Variants in STXBP5 observed in about 807,000 individuals in gnomAD.
STXBP5 encodes syntaxin binding protein 5.
STXBP5 carries 50 observed loss-of-function variants against 152.4 expected under a neutral mutation model. The observed-to-expected ratio is 0.33, with a 90% CI of 0.26 to 0.42. STXBP5 has a LOEUF of 0.42. STXBP5 is among the 10% of genes least tolerant of loss of function. STXBP5 has a pLI of 1.00. For missense variants in STXBP5, 1,167 were observed against 1,388.6 expected, an observed-to-expected ratio of 0.84 and a Z score of 2.54; for synonymous variants, 492 against 494.7, an observed-to-expected ratio of 0.99 and a Z score of 0.07.
At chr6:147,370,568 A>G (rs1055966630) in intron 25 of STXBP5, among the ~76,000 whole-genome samples, 8 of 151,998 alleles carry the variant, frequency 5.3e-5, no homozygotes, top group Non-Finnish European at 8.8e-5. Flanking sequence ...AATTTATAAT[A>G]AACTGTTTTT....
In STXBP5 at chr6:147,373,852, T is replaced by C. The variant is rs2128419429; in HGVS notation, c.3193+10T>C. ...GACAGAGAAGAACTATGTAAGTTGA[T>C]TTATTTAATTCGGATAATATATCTA... On this transcript the variant is annotated intron_variant, in intron 26 of 27. Transcript: ENST00000321680. 1.3e-6 allele frequency: 2 copies of C among 1,594,296 alleles called. No homozygotes were observed. Among genetic ancestry groups the C allele is most frequent in the South Asian group, 1.1e-5 (1 of 90,168 alleles).
intron 21 of STXBP5, among the ~76,000 whole-genome samples, chr6:147,347,950 A>T (rs1029471060): frequency 6.6e-6 from 1 of 152,186 alleles, no homozygotes; most frequent in African/African-American, 2.4e-5. Flanking sequence ...GGTTAGCAGG[A>T]TGTTGGGTGA....
chr6:147,267,257 C>A, intron 7 of STXBP5, 90 bp downstream of exon 7: 1 of 1,054,046 alleles, frequency 9.5e-7, no homozygotes, highest in African/African-American at 1.6e-5. Context: ...TTACTTTAGG[C>A]AAACTTTGTA....
chr6:147,230,957 T>G (rs199654107), intron 2 of STXBP5, among the ~76,000 whole-genome samples: 1 of 151,830 alleles, frequency 6.6e-6, no homozygotes, highest in Non-Finnish European at 1.5e-5. Context: ...ATGATGATGG[T>G]GATGATGATG....
intron 8 of STXBP5, among the ~76,000 whole-genome samples, chr6:147,287,080 C>T (rs1396331428): frequency 6.7e-6 from 1 of 150,110 alleles, no homozygotes; most frequent in African/African-American, 2.5e-5. Flanking sequence ...TATTTTGATA[C>T]AGGCATACAG....
chr6:147,213,669 A>G (rs1225136274), intron 2 of STXBP5, among the ~76,000 whole-genome samples: 1 of 151,988 alleles, frequency 6.6e-6, no homozygotes, highest in Non-Finnish European at 1.5e-5. Context: ...ATTAGTAATA[A>G]TCAGAATGTG....
chr6:147,276,985 G>C (rs1206492672), intron 7 of STXBP5, among the ~76,000 whole-genome samples: 2 of 152,058 alleles, frequency 1.3e-5, no homozygotes, highest in Non-Finnish European at 2.9e-5. Context: ...ATCATCTGCT[G>C]TGTTGGTAGC....
At chr6:147,378,846 A>G (rs1272996897) in intron 26 of STXBP5, among the ~76,000 whole-genome samples, 1 of 152,170 alleles carries the variant, frequency 6.6e-6, no homozygotes, top group Non-Finnish European at 1.5e-5. Context: ...GCTATAACAA[A>G]TTACCACAAA....
At chr6:147,285,568 A>G (rs1562462282) in intron 8 of STXBP5, among the ~76,000 whole-genome samples, 3 of 152,100 alleles carry the variant, frequency 2.0e-5, no homozygotes, top group African/African-American at 4.8e-5. Flanking sequence ...AGAAAATGAA[A>G]CTACTCTATT....
At chr6:147,377,593 G>A (rs1047494608) in intron 26 of STXBP5, among the ~76,000 whole-genome samples, 6 of 152,072 alleles carry the variant, frequency 3.9e-5, no homozygotes, top group African/African-American at 1.2e-4. Context: ...GAGTTGTTTG[G>A]GGGCCCTATT....
At chr6:147,296,283 A>G (rs966394338) in intron 9 of STXBP5, among the ~76,000 whole-genome samples, 1 of 152,100 alleles carries the variant, frequency 6.6e-6, no homozygotes, top group Non-Finnish European at 1.5e-5. Context: ...CAACCTGAAA[A>G]TCAGCCCATC....
chr6:147,223,180 A>C (rs1438032736), intron 2 of STXBP5, among the ~76,000 whole-genome samples: 1 of 152,250 alleles, frequency 6.6e-6, no homozygotes, highest in East Asian at 1.9e-4. Flanking sequence ...TGGTGAAAAC[A>C]TAGGTGGTCT....
At chr6:147,215,855 C>T (rs1158359099) in intron 2 of STXBP5, among the ~76,000 whole-genome samples, 1 of 151,950 alleles carries the variant, frequency 6.6e-6, no homozygotes, top group African/African-American at 2.4e-5. Context: ...TAATGATTAG[C>T]TCAATTATTG....
chr6:147,267,133 C>CA lies in STXBP5; in HGVS notation c.683dup (p.Lys229GlufsTer9). 1 of 1,609,862 alleles carries CA rather than the reference C, an allele frequency of 6.2e-7. No homozygotes were observed. Among genetic ancestry groups the CA allele is most frequent in the Non-Finnish European group, 8.5e-7 (1 of 1,178,562 alleles). On this transcript the variant is annotated frameshift_variant, in exon 7 of 28. Coordinates refer to ENST00000321680, the MANE Select transcript of STXBP5 (RefSeq NM_001127715.4). LOFTEE classifies it high-confidence loss of function. ...ACAGTAGTTTTATGGGACCTCAAAT[C>CA]AAAGAAAGCCGACTACAGATACACA...
intron 11 of STXBP5, among the ~76,000 whole-genome samples, chr6:147,311,730 G>C (rs569783302): frequency 1.3e-5 from 2 of 151,970 alleles, no homozygotes; most frequent in East Asian, 3.9e-4. Context: ...TCATTTTTAG[G>C]TAAAAATTTG....
intron 2 of STXBP5, among the ~76,000 whole-genome samples, chr6:147,222,498 A>C (rs945252665): frequency 1.3e-5 from 2 of 151,350 alleles, no homozygotes; most frequent in Non-Finnish European, 2.9e-5. Context: ...ACTTCCTCCC[A>C]CTCCCTTTTA....
At chr6:147,218,142 G>GC (rs1777269266) in intron 2 of STXBP5, among the ~76,000 whole-genome samples, 1 of 152,124 alleles carries the variant, frequency 6.6e-6, no homozygotes, top group Non-Finnish European at 1.5e-5. Flanking sequence ...AACATTCGTA[G>GC]CCTCCTCCAT....
chr6:147,366,951 T>A (rs9485168), intron 25 of STXBP5, among the ~76,000 whole-genome samples: 2,556 of 152,300 alleles, frequency 0.017, 62 homozygotes, highest in African/African-American at 0.057. Flanking sequence ...TCCAGTCAGT[T>A]ACCAGGCATG....
chr6:147,388,668 G>A lies in STXBP5; in HGVS notation c.*3913G>A, dbSNP rs1278662279. The A allele has an allele frequency of 6.6e-6, 1 of 151,104 alleles. No individual in the cohort carries two copies. Among genetic ancestry groups the A allele is most frequent in the Non-Finnish European group, 1.5e-5 (1 of 67,502 alleles). 9.4% of individuals were successfully genotyped at this position (151,104 alleles called of 1,614,324 possible). ...TGAACAGGAAAGATATCATTTCTAT[G>A]CTTTAAAAAACCCTCTATTGAGCAT... is the stretch of plus-strand genomic sequence containing the variant. On this transcript the variant is annotated 3_prime_UTR_variant, in exon 28 of 28. Coordinates refer to ENST00000321680, the MANE Select transcript of STXBP5 (RefSeq NM_001127715.4).
Sources: allele counts gnomAD v4.1 joint callset (sites outside exome capture counted in the v4.1 genomes callset), GRCh38; gene constraint gnomAD v4.1.1; transcripts MANE v1.5; gene names NCBI Gene and HGNC (gene_info 2026-07-23, HGNC 2026-07-21).